Variants in SPECC1 observed in about 807,000 individuals in gnomAD.
SPECC1 encodes the protein cytospin-B.
A neutral mutation model predicts 104.1 loss-of-function variants in SPECC1; 62 were observed. That is an observed-to-expected ratio of 0.60 (90% CI 0.49 to 0.74). SPECC1 has a LOEUF of 0.74. SPECC1 is among the 30% of genes least tolerant of loss of function. The pLI is 0.00. For synonymous variants in SPECC1, 513 were observed against 501.6 expected (o/e 1.02, Z -0.30); for missense variants, 1,306 against 1,310.5 (o/e 1.00, Z 0.05).
chr17:20,187,006 C>G (rs1042766741), intron 3 of SPECC1, among the ~76,000 whole-genome samples: 2 of 152,066 alleles, frequency 1.3e-5, no homozygotes, highest in African/African-American at 4.8e-5. Context: ...TATCCCTTAT[C>G]TGAAATGCTT....
intron 1 of SPECC1, among the ~76,000 whole-genome samples, chr17:20,073,966 A>G (rs948873166): frequency 6.6e-6 from 1 of 152,212 alleles, no homozygotes; most frequent in African/African-American, 2.4e-5. Context: ...TTTATCTTGC[A>G]AGGAAAGGAT....
At chr17:20,041,877 G>A (rs920675723) in intron 1 of SPECC1, among the ~76,000 whole-genome samples, 2 of 151,452 alleles carry the variant, frequency 1.3e-5, no homozygotes, top group African/African-American at 2.4e-5. Flanking sequence ...CACCTGCCTC[G>A]GCCTCCCAAA....
At chr17:20,082,328 A>T (rs909696364) in intron 1 of SPECC1, among the ~76,000 whole-genome samples, 87 of 152,164 alleles carry the variant, frequency 5.7e-4, no homozygotes, top group Non-Finnish European at 2.5e-4. Context: ...CTGGAAGCAG[A>T]CATTGGAGTC....
chr17:20,029,719 T>C (rs1242471190), intron 1 of SPECC1, among the ~76,000 whole-genome samples: 2 of 152,194 alleles, frequency 1.3e-5, no homozygotes, highest in African/African-American at 4.8e-5. Context: ...CATTTGTTCG[T>C]AGTATTCTTT....
chr17:20,208,184 T>G (rs2036907621), intron 4 of SPECC1, among the ~76,000 whole-genome samples: 1 of 152,216 alleles, frequency 6.6e-6, no homozygotes, highest in Admixed American at 6.5e-5. Context: ...GCATGCTAAC[T>G]AGAAGTATCA....
chr17:20,116,699 AC>A (rs2048771537), intron 3 of SPECC1, among the ~76,000 whole-genome samples: 1 of 151,774 alleles, frequency 6.6e-6, no homozygotes, highest in Admixed American at 6.6e-5. Context: ...GGGAGTGGAA[AC>A]CTGAATAAAA....
At chr17:20,269,634 A>G (rs532800871) in intron 12 of SPECC1, among the ~76,000 whole-genome samples, 2 of 152,186 alleles carry the variant, frequency 1.3e-5, no homozygotes, top group African/African-American at 4.8e-5. Flanking sequence ...TCGGCCTCCC[A>G]AAGTGCTGGG....
rs146546564 is a variant in SPECC1, at chr17:20,303,123, A to G, written c.3058-2900A>G. On this transcript the variant is annotated intron_variant, in intron 13 of 14. Coordinates refer to ENST00000395527, the MANE Select transcript of SPECC1 (RefSeq NM_001243439.2). ...AAATTGGGGTAACGCTCTAGAAAGC[A>G]ATGTTTGGCATTACATATTAAAAGC... Among the ~76,000 whole-genome samples, 568 of 152,310 alleles carry G rather than the reference A, an allele frequency of 3.7e-3. 5 individuals are homozygous for G. Among genetic ancestry groups the G allele is most frequent in the African/African-American group, 0.013 (521 of 41,566 alleles).
intron 3 of SPECC1, among the ~76,000 whole-genome samples, chr17:20,153,752 T>A (rs2032219953): frequency 6.6e-6 from 1 of 152,238 alleles, no homozygotes; most frequent in Non-Finnish European, 1.5e-5. Context: ...ACTCTTTGAA[T>A]AAGTATGTAA....
chr17:20,192,109 G>T (rs749108981), intron 3 of SPECC1, among the ~76,000 whole-genome samples: 1 of 151,696 alleles, frequency 6.6e-6, no homozygotes, highest in Non-Finnish European at 1.5e-5. Flanking sequence ...GCTAATTTTT[G>T]ATTTTTTTGA....
At chr17:20,016,548 C>T (rs554387778) in intron 1 of SPECC1, among the ~76,000 whole-genome samples, 117 of 152,264 alleles carry the variant, frequency 7.7e-4, no homozygotes, top group African/African-American at 2.6e-3. Context: ...CTTGGCGGGC[C>T]CCGCACTGGG....
chr17:20,127,409 A>C (rs2049366205), intron 3 of SPECC1, among the ~76,000 whole-genome samples: 1 of 149,544 alleles, frequency 6.7e-6, no homozygotes, highest in East Asian at 2.0e-4. Flanking sequence ...GAGGGATACT[A>C]CTGGAGAATG....
chr17:20,171,692 C>T (rs539291358), intron 3 of SPECC1, among the ~76,000 whole-genome samples: 88 of 152,176 alleles, frequency 5.8e-4, no homozygotes, highest in African/African-American at 1.6e-3. Flanking sequence ...GGACCACAGA[C>T]GTGTGCCACC....
At chr17:20,290,605 C>T (rs2041130785) in intron 12 of SPECC1, among the ~76,000 whole-genome samples, 2 of 152,148 alleles carry the variant, frequency 1.3e-5, no homozygotes, top group African/African-American at 4.8e-5. Context: ...ACCTCTGCCT[C>T]CTGAGTTCAA....
Position 20,175,521 on chromosome 17 carries a change from A to C in SPECC1, c.284-28812A>C, listed in dbSNP as rs544989157. 7.2e-5 allele frequency among the ~76,000 whole-genome samples: 11 copies of C among 152,242 alleles called. No individual in the cohort carries two copies. In the East Asian group the frequency reaches 1.7e-3, roughly 24 times the overall value. ...AACTTCTATTCATTTCAGTATTCTTAGTCGGTCTTCTCATTCATTGATTGG... is the reference window on the plus strand; with the variant it reads ...AACTTCTATTCATTTCAGTATTCTTCGTCGGTCTTCTCATTCATTGATTGG... On this transcript the variant is annotated intron_variant, in intron 3 of 14. Coordinates refer to ENST00000395527, the MANE Select transcript of SPECC1 (RefSeq NM_001243439.2).
chr17:20,264,350 T>C (rs1028639545), intron 12 of SPECC1, among the ~76,000 whole-genome samples: 8 of 151,948 alleles, frequency 5.3e-5, no homozygotes, highest in African/African-American at 1.9e-4. Context: ...GTAGTAAGCA[T>C]AGTACTCTGT....
At chr17:20,117,777 G>A (rs1031792520) in intron 3 of SPECC1, among the ~76,000 whole-genome samples, 4 of 151,092 alleles carry the variant, frequency 2.6e-5, no homozygotes, top group African/African-American at 9.7e-5. Flanking sequence ...AAATACAGAT[G>A]GCTAGTGGAA....
At chr17:20,227,019 C>T (rs1276037785) in intron 4 of SPECC1, among the ~76,000 whole-genome samples, 1 of 110,818 alleles carries the variant, frequency 9.0e-6, no homozygotes, top group Non-Finnish European at 2.0e-5. Context: ...CAGGGAAGCA[C>T]TGCTCTCCCA....
At chr17:20,197,452 G>A (rs1377457868) in intron 3 of SPECC1, among the ~76,000 whole-genome samples, 3 of 152,108 alleles carry the variant, frequency 2.0e-5, no homozygotes, top group East Asian at 1.9e-4. Flanking sequence ...AATCAAACCC[G>A]AACTGCTACT....
Sources: gnomAD v4.1 joint callset for allele counts (sites outside exome capture counted in the v4.1 genomes callset) on GRCh38, gnomAD v4.1.1 for gene constraint, MANE v1.5 for transcripts, NCBI Gene and HGNC (gene_info 2026-07-23, HGNC 2026-07-21) for gene names.